The following MRPS5 variants were observed in gnomAD, a reference collection of about 807,000 sequenced individuals.
MRPS5 encodes mitochondrial ribosomal protein S5, also known as small ribosomal subunit protein uS5m.
MRPS5 carries 27 observed loss-of-function variants against 51.9 expected under a neutral mutation model. That is an observed-to-expected ratio of 0.52 (90% CI 0.38 to 0.72). The LOEUF (loss-of-function observed/expected upper bound fraction) is 0.72. Ranked by LOEUF, MRPS5 falls within the 30% of genes least tolerant of loss-of-function variation. MRPS5 has a pLI of 0.00. For missense variants in MRPS5, 570 were observed against 545.7 expected (o/e 1.04, Z -0.44); for synonymous variants, 196 against 193.2 (o/e 1.01, Z -0.12).
At chr2:95,120,944 C>T (rs1676425992) in intron 1 of MRPS5, among the ~76,000 whole-genome samples, 1 of 152,028 alleles carries the variant, frequency 6.6e-6, no homozygotes, top group African/African-American at 2.4e-5. Flanking sequence ...ATGGTGAAAC[C>T]CCGTCTCTAC....
At chr2:95,106,576 G>A in intron 5 of MRPS5, 119 bp from the exon 6 acceptor site, 1 of 840,908 alleles carries the variant, frequency 1.2e-6, no homozygotes, top group South Asian at 1.4e-5. Flanking sequence ...CAGATCTTTT[G>A]GTCCCACTCT....
At chr2:95,095,208 G>A (rs1053173350) in intron 10 of MRPS5, among the ~76,000 whole-genome samples, 14 of 152,186 alleles carry the variant, frequency 9.2e-5, no homozygotes, top group African/African-American at 2.9e-4. Context: ...CAATACAGGA[G>A]CACCCAGATT....
chr2:95,087,947 C>T (rs1675345398), intron 11 of MRPS5, among the ~76,000 whole-genome samples: 1 of 149,496 alleles, frequency 6.7e-6, no homozygotes, highest in Admixed American at 6.8e-5. Context: ...ACACTAAGGA[C>T]CCTACAGGTA....
intron 3 of MRPS5, among the ~76,000 whole-genome samples, chr2:95,113,197 C>T (rs1373315350): frequency 6.6e-6 from 1 of 151,930 alleles, no homozygotes; most frequent in African/African-American, 2.4e-5. Flanking sequence ...AAATTCCCAG[C>T]CAGGTGCAGA....
intron 10 of MRPS5, among the ~76,000 whole-genome samples, chr2:95,098,921 A>ATTTT (rs772096630): frequency 7.1e-6 from 1 of 141,108 alleles, no homozygotes; most frequent in Non-Finnish European, 1.5e-5. Context: ...TATTATTATT[A>ATTTT]TTTTTTTTTT....
At chr2:95,092,201 C>T (rs1207368617) in intron 10 of MRPS5, 1 of 152,208 alleles carries the variant, frequency 6.6e-6, no homozygotes. Flanking sequence ...CAGGCACAGA[C>T]TGTCAAAAAA....
chr2:95,113,886 C>CTT, intron 3 of MRPS5, among the ~76,000 whole-genome samples: 1 of 151,754 alleles, frequency 6.6e-6, no homozygotes, highest in African/African-American at 2.4e-5. Context: ...CTTTGGGAGG[C>CTT]TGAGGCAGGT....
chr2:95,100,735 A>G (rs991401901), intron 9 of MRPS5, 102 bp downstream of exon 9: 15 of 982,698 alleles, frequency 1.5e-5, no homozygotes, highest in East Asian at 5.2e-5. Context: ...TAAGAATGTA[A>G]TAAGAGAGAA....
chr2:95,098,488 T>C (rs1329942959), intron 10 of MRPS5, among the ~76,000 whole-genome samples: 2 of 152,192 alleles, frequency 1.3e-5, no homozygotes, highest in Non-Finnish European at 2.9e-5. Flanking sequence ...GGTACATATA[T>C]ACCACTGAAT....
In MRPS5 at chr2:95,087,056, G is replaced by A. The variant is rs1194814649; in HGVS notation, c.*301C>T. Among the ~76,000 whole-genome samples the A allele has an allele frequency of 1.3e-5, 2 of 152,062 alleles. No homozygotes were observed. The highest frequency in any genetic ancestry group is 4.8e-5 in the African/African-American group (2 of 41,410). On this transcript the variant is annotated 3_prime_UTR_variant, in exon 12 of 12. Coordinates refer to ENST00000272418, the MANE Select transcript of MRPS5 (RefSeq NM_031902.5). ...TATAATTACTACAGCAATTATCATT[G>A]TGTACATTATTACTGATTGGGTCAA...
At position 95,086,627 on chromosome 2, in the gene MRPS5, A is replaced by G. The variant is rs1675297345; in HGVS notation, c.*730T>C. Among the ~76,000 whole-genome samples, 1 of 152,222 alleles carries G rather than the reference A, an allele frequency of 6.6e-6. No individual in the cohort carries two copies. Among genetic ancestry groups the G allele is most frequent in the Admixed American group, 6.5e-5 (1 of 15,280 alleles). On this transcript the variant is annotated 3_prime_UTR_variant, in exon 12 of 12. Coordinates refer to ENST00000272418, the MANE Select transcript of MRPS5 (RefSeq NM_031902.5). Reference sequence around the variant, plus strand: ...TGGGTGGGGCAGAAAGAGTATGCAAAGAAATAAAAATATATATATTCCACA... The same window carrying G: ...TGGGTGGGGCAGAAAGAGTATGCAAGGAAATAAAAATATATATATTCCACA...
At chr2:95,094,649 G>C (rs1258541165) in intron 10 of MRPS5, among the ~76,000 whole-genome samples, 1 of 152,124 alleles carries the variant, frequency 6.6e-6, no homozygotes, top group Non-Finnish European at 1.5e-5. Context: ...AAGTGAAGGA[G>C]AAATAAAATC....
At chr2:95,121,644 C>T in intron 1 of MRPS5, 90 bp downstream of exon 1, 1 of 1,405,462 alleles carries the variant, frequency 7.1e-7, no homozygotes, top group Non-Finnish European at 9.5e-7. Context: ...CGGCTTCTCG[C>T]TTCCCTCCGC....
chr2:95,088,283 A>C (rs1051790433), intron 11 of MRPS5, among the ~76,000 whole-genome samples: 1 of 152,194 alleles, frequency 6.6e-6, no homozygotes, highest in African/African-American at 2.4e-5. Flanking sequence ...GAAGATACAT[A>C]CTAAAATATT....
At chr2:95,098,673 A>AC (rs1675700942) in intron 10 of MRPS5, among the ~76,000 whole-genome samples, 2 of 150,418 alleles carry the variant, frequency 1.3e-5, no homozygotes, top group African/African-American at 4.8e-5. Context: ...AACATCACAC[A>AC]CTGGGGCCTG....
At chr2:95,108,522 A>C (rs1676020084) in intron 4 of MRPS5, 114 bp from the exon 5 acceptor site, 2 of 849,038 alleles carry the variant, frequency 2.4e-6, no homozygotes, top group Non-Finnish European at 3.6e-6. Flanking sequence ...CTGGAGCTTA[A>C]GCTAACATTA....
At chr2:95,109,117 G>T (rs1283255561) in intron 4 of MRPS5, among the ~76,000 whole-genome samples, 5 of 151,664 alleles carry the variant, frequency 3.3e-5, no homozygotes, top group Admixed American at 6.6e-5. Context: ...AGCATCCAGG[G>T]GGACTTCAAG....
chr2:95,100,522 A>C lies in MRPS5; in HGVS notation c.883T>G (p.Ser295Ala). The change falls in exon 10 of 12, where the codon TCA (serine) becomes GCA (alanine). Residue 295 changes from serine to alanine, a missense_variant. By Grantham distance (99) the Ser-to-Ala change is moderately conservative. Coordinates refer to ENST00000272418, the MANE Select transcript of MRPS5 (RefSeq NM_031902.5). ...YEDHTIFHDI[S>A]LRFKRTHIKM... Reference sequence around the variant, plus strand: ...ATATGCGTCCTTTTAAATCTTAATGAAATATCATGGAATACTGGAGGGTAA... The same window carrying C: ...ATATGCGTCCTTTTAAATCTTAATGCAATATCATGGAATACTGGAGGGTAA... 6.2e-7 allele frequency: 1 copy of C among 1,607,748 alleles called. No homozygotes were observed. The highest frequency in any genetic ancestry group is 8.5e-7 in the Non-Finnish European group (1 of 1,174,426).
At chr2:95,113,551 A>C (rs2104425082) in intron 3 of MRPS5, among the ~76,000 whole-genome samples, 1 of 152,342 alleles carries the variant, frequency 6.6e-6, no homozygotes, top group Admixed American at 6.5e-5. Context: ...TAAAGTACAA[A>C]GTCAACTCTT....
Sources: allele counts gnomAD v4.1 joint callset (sites outside exome capture counted in the v4.1 genomes callset), GRCh38; gene constraint gnomAD v4.1.1; transcripts MANE v1.5; gene names NCBI Gene and HGNC (gene_info 2026-07-23, HGNC 2026-07-21).